Variants in IL10RA observed in about 807,000 individuals in gnomAD.
The protein encoded by IL10RA is interleukin 10 receptor subunit alpha.
IL10RA carries 18 observed loss-of-function variants against 29.6 expected under a neutral mutation model. The ratio of observed to expected loss-of-function variants is 0.61; its 90% CI spans 0.42 to 0.90. The LOEUF (loss-of-function observed/expected upper bound fraction) is 0.90. Ranked by LOEUF, IL10RA falls within the 40% of genes least tolerant of loss-of-function variation. The pLI, the probability that IL10RA is intolerant of heterozygous loss-of-function variation, is 0.00. For missense variants in IL10RA, 634 were observed against 716.6 expected (o/e 0.88, Z 1.32); for synonymous variants, 292 against 294.1 (o/e 0.99, Z 0.07).
In IL10RA at chr11:117,992,834, A is replaced by G. The variant is rs535165940; in HGVS notation, c.368-407A>G. 2.6e-5 allele frequency among the ~76,000 whole-genome samples: 4 copies of G among 152,294 alleles called. No homozygotes were observed. In the East Asian group the frequency reaches 7.7e-4, roughly 29 times the overall value. Reference sequence around the variant, plus strand: ...TGGTTTTTATAGTTTCAGGTGTTACATTTGTCTTTAATCCATTTTGTGTTG... The same window carrying G: ...TGGTTTTTATAGTTTCAGGTGTTACGTTTGTCTTTAATCCATTTTGTGTTG... On this transcript the variant is annotated intron_variant, in intron 3 of 6. Transcript: ENST00000227752.
At chr11:117,998,512 C>T (rs539227699) in intron 6 of IL10RA, among the ~76,000 whole-genome samples, 2 of 152,358 alleles carry the variant, frequency 1.3e-5, no homozygotes, top group South Asian at 4.1e-4. Flanking sequence ...ATACAAGTTT[C>T]TTGTGTATCT....
rs759088730 is a variant in IL10RA, at chr11:117,988,467, G to A, written c.153G>A (p.Gln51=). 6 of 1,614,114 alleles carry A rather than the reference G, an allele frequency of 3.7e-6. No homozygotes were observed. The South Asian group carries it at 6.6e-5, about 18-fold the overall frequency. ...HILHWTPIPN[Q]SESTCYEVAL... ...TCCACTGGACACCCATCCCAAATCA[G>A]TCTGAAAGTACCTGCTATGAAGTGG... Residue 51 remains glutamine, a synonymous_variant, in exon 2 of 7, where the codon CAG becomes CAA. Transcript: ENST00000227752.
Position 117,999,968 on chromosome 11 carries a change from G to A in IL10RA, c.*327G>A. ...TGTATCATAAAGGATTATTTGCTCAGGGGAACCATGGGGCTTTCTGGAGTT... is the reference window on the plus strand; with the variant it reads ...TGTATCATAAAGGATTATTTGCTCAAGGGAACCATGGGGCTTTCTGGAGTT... On this transcript the variant is annotated 3_prime_UTR_variant, in exon 7 of 7. Transcript: ENST00000227752. 2.0e-6 allele frequency: 1 copy of A among 501,364 alleles called. No individual in the cohort carries two copies. The highest frequency in any genetic ancestry group is 3.9e-6 in the Non-Finnish European group (1 of 258,362). The allele number at this position is 501,364 out of a possible 1,614,324, so 31.1% of individuals were successfully genotyped here.
At chr11:117,987,467 G>C (rs4252245) in intron 1 of IL10RA, 59 of 156,020 alleles carry the variant, frequency 3.8e-4, no homozygotes, top group African/African-American at 1.4e-3. Context: ...AGAGAAGTTA[G>C]AACACTAGGG....
chr11:117,989,686 G>C lies in IL10RA; in HGVS notation c.367+66G>C. Reference sequence around the variant, plus strand: ...CCTTCCAGCCAGGAACTCTAGTCTAGAGCTTTTCTGTCTATTACCATAGCT... The same window carrying C: ...CCTTCCAGCCAGGAACTCTAGTCTACAGCTTTTCTGTCTATTACCATAGCT... On this transcript the variant is annotated intron_variant, in intron 3 of 6. Coordinates refer to ENST00000227752, the MANE Select transcript of IL10RA (RefSeq NM_001558.4). The surrounding 1 kb of genome is among the most constrained non-coding windows in gnomAD (Gnocchi z 4.5). The C allele has an allele frequency of 6.7e-7, 1 of 1,502,292 alleles. No homozygotes were observed. Among genetic ancestry groups the C allele is most frequent in the Non-Finnish European group, 9.1e-7 (1 of 1,092,974 alleles). 93.1% of individuals were successfully genotyped at this position (1,502,292 alleles called of 1,614,324 possible).
At position 117,989,682 on chromosome 11, in the gene IL10RA, T is replaced by C; in HGVS notation, c.367+62T>C. On this transcript the variant is annotated intron_variant, in intron 3 of 6. Coordinates refer to ENST00000227752, the MANE Select transcript of IL10RA (RefSeq NM_001558.4). The surrounding 1 kb of genome is among the most constrained non-coding windows in gnomAD (Gnocchi z 4.5). ...AGTCCCTTCCAGCCAGGAACTCTAG[T>C]CTAGAGCTTTTCTGTCTATTACCAT... 1 of 1,525,690 alleles carries C rather than the reference T, an allele frequency of 6.6e-7. No homozygotes were observed. Among genetic ancestry groups the C allele is most frequent in the Non-Finnish European group, 9.0e-7 (1 of 1,111,790 alleles). 94.5% of individuals were successfully genotyped at this position (1,525,690 alleles called of 1,614,324 possible).
rs2058010413 is a variant in IL10RA, at chr11:117,989,769, T to A, written c.367+149T>A. The A allele has an allele frequency of 7.8e-6, 6 of 773,486 alleles. No homozygotes were observed. The highest frequency in any genetic ancestry group is 1.3e-5 in the Non-Finnish European group (6 of 455,826). 47.9% of individuals were successfully genotyped at this position (773,486 alleles called of 1,614,324 possible). A position where few individuals can be genotyped will look rare whatever the true frequency, so the allele number is the denominator to read the frequency against. On this transcript the variant is annotated intron_variant, in intron 3 of 6. Transcript: ENST00000227752. The surrounding 1 kb of genome is among the most constrained non-coding windows in gnomAD (Gnocchi z 4.5). The stretch of plus-strand genomic sequence containing the variant: ...CTAGTTGCCCAAACAGGGCAGGACT[T>A]TGGAGAATGTTAGATAAAAATAGCC...
In IL10RA at chr11:117,998,761, C is replaced by T. The variant is rs1179417312; in HGVS notation, c.857C>T (p.Ser286Phe). The change falls in exon 7 of 7, where the codon TCC (serine) becomes TTC (phenylalanine). Residue 286 changes from serine to phenylalanine, a missense_variant. Transcript: ENST00000227752. Reference protein sequence around the residue: ...SPFIFISQRPSPETQDTIHPL... With the variant: ...SPFIFISQRPFPETQDTIHPL... Reference sequence around the variant, plus strand: ...TTCATCTTCATCAGCCAGCGTCCCTCCCCAGAGACCCAAGACACCATCCAC... The same window carrying T: ...TTCATCTTCATCAGCCAGCGTCCCTTCCCAGAGACCCAAGACACCATCCAC... 2.5e-6 allele frequency: 4 copies of T among 1,614,050 alleles called. No individual in the cohort carries two copies. In the East Asian group the frequency reaches 6.7e-5, roughly 27 times the overall value.
chr11:117,997,503 T>C (rs781657736), intron 6 of IL10RA, among the ~76,000 whole-genome samples: 1 of 152,126 alleles, frequency 6.6e-6, no homozygotes, highest in Non-Finnish European at 1.5e-5. Context: ...AGCAATGTGA[T>C]AGGAATAGGG....
intron 4 of IL10RA, 57 bp downstream of exon 4, chr11:117,993,467 G>A: frequency 1.4e-6 from 2 of 1,471,718 alleles, no homozygotes; most frequent in East Asian, 2.3e-5. Context: ...CTGTCCCCTG[G>A]GCTGGAAGCA....
Position 118,000,625 on chromosome 11 carries a change from C to A in IL10RA, c.*984C>A, listed in dbSNP as rs749570289. The A allele has an allele frequency of 3.0e-4, 135 of 454,152 alleles. 2 individuals carry two copies. Among genetic ancestry groups the A allele is most frequent in the Non-Finnish European group, 7.5e-5 (17 of 226,798 alleles). The allele number at this position is 454,152 out of a possible 1,614,324, so 28.1% of individuals were successfully genotyped here. On this transcript the variant is annotated 3_prime_UTR_variant, in exon 7 of 7. Transcript: ENST00000227752. Reference sequence around the variant, plus strand: ...AGAGGATAAGCCACTGGGCACTGGGCTGGGGTCCCTGCCTTGTTGGTGTTC... The same window carrying A: ...AGAGGATAAGCCACTGGGCACTGGGATGGGGTCCCTGCCTTGTTGGTGTTC...
Position 117,988,395 on chromosome 11 carries a change from C to T in IL10RA, c.81C>T (p.Pro27=). The change falls in exon 2 of 7, where the codon CCC becomes CCT. Residue 27 remains proline (P), a synonymous_variant. Coordinates refer to ENST00000227752, the MANE Select transcript of IL10RA (RefSeq NM_001558.4). Reference sequence around the variant, plus strand: ...TCTTCTCCCCAGGGACAGAGCTGCCCAGCCCTCCGTCTGTGTGGTTTGAAG... The same window carrying T: ...TCTTCTCCCCAGGGACAGAGCTGCCTAGCCCTCCGTCTGTGTGGTTTGAAG... ...LGSDAHGTEL[P]SPPSVWFEAE... 1 of 1,614,224 alleles carries T rather than the reference C, an allele frequency of 6.2e-7. No individual in the cohort carries two copies. Among genetic ancestry groups the T allele is most frequent in the Non-Finnish European group, 8.5e-7 (1 of 1,180,044 alleles).
chr11:118,000,789 G>A lies in IL10RA; in HGVS notation c.*1148G>A, dbSNP rs936295924. On this transcript the variant is annotated 3_prime_UTR_variant, in exon 7 of 7. Transcript: ENST00000227752. Reference sequence around the variant, plus strand: ...TCCTGGGAGAATGCAGATACTGTCCGTGGACTACCAAGCTGGCTTGTTTCT... The same window carrying A: ...TCCTGGGAGAATGCAGATACTGTCCATGGACTACCAAGCTGGCTTGTTTCT... 19 of 454,244 alleles carry A rather than the reference G, an allele frequency of 4.2e-5. No individual in the cohort carries two copies. Among genetic ancestry groups the A allele is most frequent in the Middle Eastern group, 6.9e-4 (1 of 1,444 alleles). 28.1% of individuals were successfully genotyped at this position (454,244 alleles called of 1,614,324 possible). A position where few individuals can be genotyped will look rare whatever the true frequency, so the allele number is the denominator to read the frequency against.
At position 117,999,551 on chromosome 11, in the gene IL10RA, CTG is replaced by C; in HGVS notation, c.1652_1653del (p.Val551GlyfsTer11). ...SFAHDLAPLG[C>X]VAAPGGLLGS... ...TTGCCCATGACCTTGCCCCTCTAGG[CTG>C]TGTGGCAGCCCCAGGTGGTCTCCTG... On this transcript the variant is annotated frameshift_variant, in exon 7 of 7. Transcript: ENST00000227752. LOFTEE classifies it low-confidence loss of function (END_TRUNC). The C allele has an allele frequency of 6.2e-7, 1 of 1,614,204 alleles. No individual in the cohort carries two copies. The highest frequency in any genetic ancestry group is 8.5e-7 in the Non-Finnish European group (1 of 1,180,024).
chr11:117,992,555 T>C (rs1267168911), intron 3 of IL10RA, among the ~76,000 whole-genome samples: 1 of 152,254 alleles, frequency 6.6e-6, no homozygotes, highest in Non-Finnish European at 1.5e-5. Flanking sequence ...GTTTTCTTGT[T>C]ATTAAGTAGT....
Position 117,995,608 on chromosome 11 carries a change from C to A in IL10RA, c.708C>A (p.Val236=). The change falls in exon 6 of 7, where the codon GTC becomes GTA. Residue 236 remains valine (V), a synonymous_variant. Coordinates refer to ENST00000227752, the MANE Select transcript of IL10RA (RefSeq NM_001558.4). Reference sequence around the variant, plus strand: ...CTGCAGATTTCACCGTGACCAACGTCATCATCTTCTTTGCCTTTGTCCTGC... The same window carrying A: ...CTGCAGATTTCACCGTGACCAACGTAATCATCTTCTTTGCCTTTGTCCTGC... ...LTRQYFTVTN[V]IIFFAFVLLL... is the part of the protein sequence containing the mutation. The A allele has an allele frequency of 6.2e-7, 1 of 1,614,234 alleles. No individual in the cohort carries two copies. The highest frequency in any genetic ancestry group is 8.5e-7 in the Non-Finnish European group (1 of 1,180,038).
rs1407358554 is a variant in IL10RA at position 118,000,434 on chromosome 11, C to G, written c.*793C>G. 4.4e-6 allele frequency: 2 copies of G among 454,294 alleles called. No homozygotes were observed. The highest frequency in any genetic ancestry group is 4.7e-5 in the Admixed American group (2 of 42,582). 28.1% of individuals were successfully genotyped at this position (454,294 alleles called of 1,614,324 possible). Reference sequence around the variant, plus strand: ...GCCACTCACATCCTCACTTTGCTGCCCCACCATCTTGCTGACAACTTCCAG... The same window carrying G: ...GCCACTCACATCCTCACTTTGCTGCGCCACCATCTTGCTGACAACTTCCAG... On this transcript the variant is annotated 3_prime_UTR_variant, in exon 7 of 7. Coordinates refer to ENST00000227752, the MANE Select transcript of IL10RA (RefSeq NM_001558.4).
At position 117,989,458 on chromosome 11, in the gene IL10RA, T is replaced by C. The variant is rs1343534194; in HGVS notation, c.205T>C (p.Trp69Arg). The part of the protein sequence containing the change: ...VALLRYGIES[W>R]NSISNCSQTL... ...TCTCCTCAGGTATGGAATAGAGTCCTGGAACTCCATCTCCAACTGTAGCCA... is the reference window on the plus strand; with the variant it reads ...TCTCCTCAGGTATGGAATAGAGTCCCGGAACTCCATCTCCAACTGTAGCCA... The change falls in exon 3 of 7, where the codon TGG becomes CGG. Residue 69 changes from tryptophan (W) to arginine (R), a missense_variant. Coordinates refer to ENST00000227752, the MANE Select transcript of IL10RA (RefSeq NM_001558.4). This position sits in a 1 kb window ranked among gnomAD's most constrained non-coding sequence, Gnocchi z 4.5. 2 of 1,614,024 alleles carry C rather than the reference T, an allele frequency of 1.2e-6. No individual in the cohort carries two copies. Among genetic ancestry groups the C allele is most frequent in the East Asian group, 2.2e-5 (1 of 44,900 alleles).
At chr11:117,988,638 C>T (rs562335722) in intron 2 of IL10RA, 136 bp downstream of exon 2, 18 of 980,688 alleles carry the variant, frequency 1.8e-5, no homozygotes, top group Middle Eastern at 4.5e-4. Flanking sequence ...CAGCAGTTGA[C>T]AAGTACTGAC....
Sources: gnomAD v4.1 joint callset for allele counts (sites outside exome capture counted in the v4.1 genomes callset) on GRCh38, gnomAD v4.1.1 for gene constraint, Gnocchi (gnomAD v3.1) non-coding constraint, MANE v1.5 for transcripts, NCBI Gene and HGNC (gene_info 2026-07-23, HGNC 2026-07-21) for gene names.